Variants in CNTN6 observed in about 807,000 individuals in gnomAD.
The protein encoded by CNTN6 is contactin-6.
In CNTN6, 137 loss-of-function variants were observed where a neutral mutation model predicts 122.8. The observed-to-expected ratio is 1.12, with a 90% confidence interval of 0.97 to 1.29. CNTN6 has a LOEUF of 1.29. Ranked by LOEUF, CNTN6 falls within the 50% of genes most tolerant of loss-of-function variation. CNTN6 has a pLI of 0.00. For missense variants in CNTN6, 1,634 were observed against 1,223.4 expected, an observed-to-expected ratio of 1.34 and a Z score of -5.01; for synonymous variants, 570 against 426.0, an observed-to-expected ratio of 1.34 and a Z score of -4.16.
chr3:1,350,185 A>G (rs74612036), intron 11 of CNTN6, among the ~76,000 whole-genome samples: 4,085 of 151,910 alleles, frequency 0.027, 64 homozygotes, highest in Non-Finnish European at 0.037. Flanking sequence ...TGTATGTACT[A>G]CAGTGCATAG....
intron 5 of CNTN6, among the ~76,000 whole-genome samples, chr3:1,292,116 C>A (rs1695429652): frequency 6.6e-6 from 1 of 152,070 alleles, no homozygotes; most frequent in South Asian, 2.1e-4. Flanking sequence ...CCTAGTAGAT[C>A]ATCCACTGCT....
At chr3:1,332,427 G>A (rs1481862802) in intron 11 of CNTN6, among the ~76,000 whole-genome samples, 1 of 151,174 alleles carries the variant, frequency 6.6e-6, no homozygotes, top group African/African-American at 2.4e-5. Context: ...TCTTATCGTG[G>A]GACTTCCAAA....
chr3:1,100,437 T>C (rs1376230808), intron 1 of CNTN6, among the ~76,000 whole-genome samples: 1 of 152,162 alleles, frequency 6.6e-6, no homozygotes, highest in Non-Finnish European at 1.5e-5. Context: ...ATTTTAAGAA[T>C]TTCTCTTTGT....
intron 2 of CNTN6, among the ~76,000 whole-genome samples, chr3:1,198,677 G>A (rs1427102174): frequency 6.6e-6 from 1 of 151,250 alleles, no homozygotes; most frequent in Non-Finnish European, 1.5e-5. Flanking sequence ...AGCCAAGGTT[G>A]CAACATTGCA....
In CNTN6 at chr3:1,103,060, G is replaced by C. The variant is rs530762184; in HGVS notation, c.-83+9940G>C. Among the ~76,000 whole-genome samples, 480 of 151,040 alleles carry C rather than the reference G, an allele frequency of 3.2e-3. 2 individuals are homozygous for C. The highest frequency in any genetic ancestry group is 9.0e-3 in the African/African-American group (367 of 40,702). Reference sequence around the variant, plus strand: ...GGCGGAGCTTGCAGTGAGCCAAGATGGCGCCACCGCACTCCAGCCTGGGCG... The same window carrying C: ...GGCGGAGCTTGCAGTGAGCCAAGATCGCGCCACCGCACTCCAGCCTGGGCG... On this transcript the variant is annotated intron_variant, in intron 1 of 22. Coordinates refer to ENST00000446702, the MANE Select transcript of CNTN6 (RefSeq NM_001289080.2).
At chr3:1,201,950 T>C (rs112059224) in intron 2 of CNTN6, among the ~76,000 whole-genome samples, 17 of 152,342 alleles carry the variant, frequency 1.1e-4, no homozygotes, top group African/African-American at 4.1e-4. Flanking sequence ...AATTATTTTG[T>C]AATGTAATAA....
chr3:1,216,976 G>T (rs2094138623), intron 2 of CNTN6, among the ~76,000 whole-genome samples: 1 of 152,118 alleles, frequency 6.6e-6, no homozygotes, highest in Non-Finnish European at 1.5e-5. Flanking sequence ...GATGGATGAT[G>T]ATGATGATGC....
chr3:1,295,126 T>C (rs1695987654), intron 5 of CNTN6, among the ~76,000 whole-genome samples: 3 of 152,098 alleles, frequency 2.0e-5, no homozygotes. Context: ...ATCAAATGAG[T>C]GAACTTCAAG....
intron 20 of CNTN6, among the ~76,000 whole-genome samples, chr3:1,398,796 C>T (rs1051060331): frequency 6.6e-6 from 1 of 152,112 alleles, no homozygotes; most frequent in African/African-American, 2.4e-5. Context: ...CAACTCTTCT[C>T]ATCTCCCAGA....
intron 12 of CNTN6, among the ~76,000 whole-genome samples, chr3:1,365,214 T>G (rs1178025130): frequency 6.6e-6 from 1 of 152,074 alleles, no homozygotes; most frequent in African/African-American, 2.4e-5. Flanking sequence ...TACACTAACC[T>G]ACTTCCACAA....
At chr3:1,116,399 AC>A (rs1378613417) in intron 1 of CNTN6, among the ~76,000 whole-genome samples, 1 of 152,218 alleles carries the variant, frequency 6.6e-6, no homozygotes, top group Non-Finnish European at 1.5e-5. Flanking sequence ...AAACAAACAA[AC>A]AAAACCTCTT....
chr3:1,245,262 T>TATATATATAAC (rs1559596515), intron 4 of CNTN6, among the ~76,000 whole-genome samples: 18 of 5,740 alleles, frequency 3.1e-3, no homozygotes, highest in African/African-American at 7.9e-3. Flanking sequence ...ATATAACATA[T>TATATATATAAC]ATATATATAT....
intron 3 of CNTN6, among the ~76,000 whole-genome samples, chr3:1,226,999 G>A (rs61491966): frequency 0.15 from 23,049 of 152,018 alleles, 3,040 homozygotes; most frequent in African/African-American, 0.35. Context: ...GATGGAGTTG[G>A]GAGTTTCAAG....
At chr3:1,179,965 G>A (rs1306801304) in intron 2 of CNTN6, among the ~76,000 whole-genome samples, 1 of 152,160 alleles carries the variant, frequency 6.6e-6, no homozygotes, top group African/African-American at 2.4e-5. Context: ...TCTCCCCATA[G>A]GCACATATCT....
chr3:1,211,451 G>C (rs1002680458), intron 2 of CNTN6, among the ~76,000 whole-genome samples: 1 of 152,094 alleles, frequency 6.6e-6, no homozygotes, highest in Non-Finnish European at 1.5e-5. Context: ...GCCAAACACT[G>C]GTCTCTTTCT....
chr3:1,302,494 G>A (rs1232833997), intron 7 of CNTN6, among the ~76,000 whole-genome samples: 1 of 152,124 alleles, frequency 6.6e-6, no homozygotes, highest in South Asian at 2.1e-4. Context: ...GGGAAAGAGA[G>A]AGAGAAGAGG....
At chr3:1,370,758 G>A (rs558104212) in intron 12 of CNTN6, among the ~76,000 whole-genome samples, 4 of 152,084 alleles carry the variant, frequency 2.6e-5, no homozygotes, top group Non-Finnish European at 5.9e-5. Context: ...TGAGGCAGGA[G>A]AATCTCTTGA....
At chr3:1,173,179 G>C (rs1179059809) in intron 2 of CNTN6, 10 of 455,848 alleles carry the variant, frequency 2.2e-5, no homozygotes, top group Non-Finnish European at 3.5e-5. Flanking sequence ...CATTTTGAAG[G>C]ATCACTCTAT....
intron 2 of CNTN6, among the ~76,000 whole-genome samples, chr3:1,172,599 AAGAC>A (rs2093376405): frequency 6.6e-6 from 1 of 151,316 alleles, no homozygotes; most frequent in Non-Finnish European, 1.5e-5. Flanking sequence ...GTGAAAAGTG[AAGAC>A]AGTCTGCAAT....
Sources: allele counts gnomAD v4.1 joint callset (sites outside exome capture counted in the v4.1 genomes callset), GRCh38; gene constraint gnomAD v4.1.1; transcripts MANE v1.5; gene names NCBI Gene and HGNC (gene_info 2026-07-23, HGNC 2026-07-21).